The following SEPTIN14 variants were observed in gnomAD, a reference collection of about 807,000 sequenced individuals.
SEPTIN14 encodes the protein septin-14.
In SEPTIN14, 40 loss-of-function variants were observed where a neutral mutation model predicts 53.6. That is an observed-to-expected ratio of 0.75 (90% confidence interval 0.58 to 0.97). The LOEUF is 0.97. Ranked by LOEUF, SEPTIN14 falls within the 50% of genes least tolerant of loss-of-function variation. SEPTIN14 has a pLI of 0.00. For missense variants in SEPTIN14, 471 were observed against 508.2 expected, an observed-to-expected ratio of 0.93 and a Z score of 0.70; for synonymous variants, 138 against 166.8, an observed-to-expected ratio of 0.83 and a Z score of 1.33.
At chr7:55,811,453 G>T (rs1788704242) in intron 7 of SEPTIN14, 1 of 359,560 alleles carries the variant, frequency 2.8e-6, no homozygotes, top group Non-Finnish European at 5.6e-6. Context: ...AGATGGGGAA[G>T]GAAGGCAAAC....
intron 2 of SEPTIN14, among the ~76,000 whole-genome samples, chr7:55,850,199 C>T (rs1014999242): frequency 5.3e-5 from 8 of 152,088 alleles, no homozygotes; most frequent in East Asian, 3.8e-4. Context: ...AGGCCAGGGG[C>T]GGTGGCTCAT....
chr7:55,797,256 G>A (rs1788447036), intron 9 of SEPTIN14, among the ~76,000 whole-genome samples: 1 of 152,170 alleles, frequency 6.6e-6, no homozygotes, highest in Admixed American at 6.6e-5. Flanking sequence ...AAGAATGGCT[G>A]AAAACTCTCT....
chr7:55,847,968 T>G (rs1474067444), intron 2 of SEPTIN14, among the ~76,000 whole-genome samples: 1 of 152,176 alleles, frequency 6.6e-6, no homozygotes, highest in East Asian at 1.9e-4. Flanking sequence ...AAATACCACT[T>G]TGCAATGACA....
chr7:55,810,883 T>G (rs1788689303), intron 7 of SEPTIN14: 1 of 346,058 alleles, frequency 2.9e-6, no homozygotes, highest in Admixed American at 3.4e-5. Context: ...GGCTTCACTA[T>G]GGACACATCC....
intron 6 of SEPTIN14, among the ~76,000 whole-genome samples, chr7:55,828,959 A>G (rs946868848): frequency 1.3e-5 from 2 of 151,876 alleles, no homozygotes; most frequent in African/African-American, 4.8e-5. Flanking sequence ...CCTACAACTC[A>G]TAAGTTTGGT....
At chr7:55,858,936 A>T (rs1789696083) in intron 2 of SEPTIN14, among the ~76,000 whole-genome samples, 1 of 152,204 alleles carries the variant, frequency 6.6e-6, no homozygotes, top group African/African-American at 2.4e-5. Context: ...TCAGTTTCAG[A>T]CATAAAATCT....
At chr7:55,843,947 C>T (rs1789358380) in intron 4 of SEPTIN14, among the ~76,000 whole-genome samples, 1 of 152,122 alleles carries the variant, frequency 6.6e-6, no homozygotes, top group Non-Finnish European at 1.5e-5. Flanking sequence ...CCAGCCTGGG[C>T]AACATAGCAA....
intron 2 of SEPTIN14, among the ~76,000 whole-genome samples, chr7:55,854,468 C>G (rs992281625): frequency 1.3e-5 from 2 of 151,662 alleles, no homozygotes; most frequent in African/African-American, 4.9e-5. Context: ...CTCGCTCTGT[C>G]GCCCAGGTTG....
At chr7:55,856,920 A>G (rs1789638414) in intron 2 of SEPTIN14, among the ~76,000 whole-genome samples, 2 of 151,668 alleles carry the variant, frequency 1.3e-5, no homozygotes, top group East Asian at 3.9e-4. Context: ...TAAAATTACA[A>G]ACATTAGCTG....
chr7:55,821,264 T>C (rs1788889524), intron 6 of SEPTIN14, among the ~76,000 whole-genome samples: 1 of 152,146 alleles, frequency 6.6e-6, no homozygotes, highest in South Asian at 2.1e-4. Context: ...AGGCAGTGGC[T>C]CATTGTGTGG....
intron 5 of SEPTIN14, among the ~76,000 whole-genome samples, chr7:55,838,770 AGCTCCTGAGCTCAAGCGAT>A (rs1351412463): frequency 6.6e-6 from 1 of 151,794 alleles, no homozygotes; most frequent in Non-Finnish European, 1.5e-5. Context: ...GCTGGTCTTG[AGCTCCTGAGCTCAAGCGAT>A]GCTCCTGCGT....
chr7:55,828,084 T>A (rs2116015495), intron 6 of SEPTIN14, among the ~76,000 whole-genome samples: 1 of 151,364 alleles, frequency 6.6e-6, no homozygotes, highest in East Asian at 1.9e-4. Context: ...TCTCTCGCAA[T>A]GGATCCTAAC....
intron 2 of SEPTIN14, among the ~76,000 whole-genome samples, chr7:55,856,033 A>C (rs1672505554): frequency 1.3e-5 from 2 of 152,132 alleles, no homozygotes; most frequent in Non-Finnish European, 2.9e-5. Context: ...CAGAGAGTAC[A>C]TTTGCAGGTT....
At chr7:55,830,589 C>A (rs1319703704) in intron 6 of SEPTIN14, among the ~76,000 whole-genome samples, 1 of 150,336 alleles carries the variant, frequency 6.7e-6, no homozygotes, top group Non-Finnish European at 1.5e-5. Context: ...ATGATCCGCC[C>A]GCCTTGGCCT....
At chr7:55,829,859 TA>T (rs1321394976) in intron 6 of SEPTIN14, among the ~76,000 whole-genome samples, 6 of 141,718 alleles carry the variant, frequency 4.2e-5, no homozygotes, top group African/African-American at 1.6e-4. Context: ...CTTCATAGCT[TA>T]AATTACAAAA....
At chr7:55,843,500 G>A (rs1789350642) in intron 4 of SEPTIN14, among the ~76,000 whole-genome samples, 1 of 152,152 alleles carries the variant, frequency 6.6e-6, no homozygotes, top group South Asian at 2.1e-4. Context: ...AAACCACAAT[G>A]AGATATCATC....
At chr7:55,859,853 T>C (rs1789711016) in intron 2 of SEPTIN14, among the ~76,000 whole-genome samples, 1 of 152,196 alleles carries the variant, frequency 6.6e-6, no homozygotes, top group Non-Finnish European at 1.5e-5. Context: ...TCAACAGACA[T>C]ATGGATTAAA....
chr7:55,811,929 G>T (rs2115976801), intron 7 of SEPTIN14, among the ~76,000 whole-genome samples: 1 of 152,194 alleles, frequency 6.6e-6, no homozygotes, highest in African/African-American at 2.4e-5. Context: ...GAGAAGCTGG[G>T]ATTACAGGCG....
At chr7:55,846,475 G>T in intron 3 of SEPTIN14, 42 bp downstream of exon 3, 2 of 1,466,796 alleles carry the variant, frequency 1.4e-6, no homozygotes, top group Admixed American at 2.3e-5. Context: ...TGAACATTGG[G>T]AAAAATGAAG....
Sources: gnomAD v4.1 joint callset for allele counts (sites outside exome capture counted in the v4.1 genomes callset) on GRCh38, gnomAD v4.1.1 for gene constraint, MANE v1.5 for transcripts, NCBI Gene and HGNC (gene_info 2026-07-23, HGNC 2026-07-21) for gene names.